ZNF385D: variants seen among roughly 807,000 people sequenced by gnomAD.
The protein encoded by ZNF385D is zinc finger protein 659.
Under a neutral mutation model 35.8 loss-of-function variants are expected in ZNF385D, and 15 were observed. The ratio of observed to expected loss-of-function variants is 0.42; its 90% CI spans 0.28 to 0.64. The LOEUF is 0.64. ZNF385D is among the 30% of genes least tolerant of loss of function. The pLI, the probability that ZNF385D is intolerant of heterozygous loss-of-function variation, is 0.23. For missense variants in ZNF385D, 474 were observed against 494.6 expected, an observed-to-expected ratio of 0.96 and a Z score of 0.39; for synonymous variants, 212 against 186.8, an observed-to-expected ratio of 1.13 and a Z score of -1.10.
At chr3:21,687,827 C>A (rs2067155809) in intron 1 of ZNF385D, among the ~76,000 whole-genome samples, 1 of 152,026 alleles carries the variant, frequency 6.6e-6, no homozygotes, top group Admixed American at 6.6e-5. Flanking sequence ...TGATTTGTTT[C>A]ATTTGAGAAT....
chr3:22,224,247 A>C (rs1576522896), intron 2 of ZNF385D, among the ~76,000 whole-genome samples: 1 of 152,318 alleles, frequency 6.6e-6, no homozygotes, highest in East Asian at 1.9e-4. Flanking sequence ...GAAAAGAGAT[A>C]TAATTAAACT....
chr3:21,802,829 G>A (rs1009445705), intron 3 of ZNF385D, among the ~76,000 whole-genome samples: 3 of 152,166 alleles, frequency 2.0e-5, no homozygotes, highest in South Asian at 2.1e-4. Flanking sequence ...CAAAGTGTTT[G>A]TGAAATGCTT....
intron 2 of ZNF385D, among the ~76,000 whole-genome samples, chr3:22,188,541 C>G (rs1695797484): frequency 6.6e-6 from 1 of 152,070 alleles, no homozygotes; most frequent in Non-Finnish European, 1.5e-5. Flanking sequence ...GCTCCGCTTC[C>G]CAGGTTCAAG....
intron 2 of ZNF385D, among the ~76,000 whole-genome samples, chr3:22,262,686 C>T (rs940221975): frequency 6.6e-6 from 1 of 151,734 alleles, no homozygotes; most frequent in Non-Finnish European, 1.5e-5. Flanking sequence ...GATTTCTGAG[C>T]CCCAGTTTTC....
At chr3:21,973,638 C>A (rs2125347472) in intron 3 of ZNF385D, among the ~76,000 whole-genome samples, 1 of 152,030 alleles carries the variant, frequency 6.6e-6, no homozygotes, top group Admixed American at 6.6e-5. Context: ...GTAAAATTAT[C>A]CTTGTTTGCA....
intron 3 of ZNF385D, among the ~76,000 whole-genome samples, chr3:22,004,410 C>G (rs1696062959): frequency 6.6e-6 from 1 of 151,982 alleles, no homozygotes; most frequent in South Asian, 2.1e-4. Flanking sequence ...GCACAAGCAA[C>G]AAAAACAAAA....
At chr3:22,138,726 C>T (rs1704313240) in intron 3 of ZNF385D, among the ~76,000 whole-genome samples, 1 of 152,046 alleles carries the variant, frequency 6.6e-6, no homozygotes, top group African/African-American at 2.4e-5. Context: ...AGAAGAAAAC[C>T]TAGGCAATAC....
At chr3:22,118,747 G>T (rs902004344) in intron 3 of ZNF385D, among the ~76,000 whole-genome samples, 1 of 152,014 alleles carries the variant, frequency 6.6e-6, no homozygotes, top group Non-Finnish European at 1.5e-5. Context: ...CACCTCTTCT[G>T]TTAACAGTCA....
chr3:21,771,218 A>G (rs1310281766), intron 3 of ZNF385D, among the ~76,000 whole-genome samples: 2 of 151,950 alleles, frequency 1.3e-5, no homozygotes, highest in African/African-American at 4.8e-5. Context: ...GTGGACATGT[A>G]CCCTAGAACT....
Position 22,220,669 on chromosome 3 carries a change from T to C in ZNF385D, c.107-51634A>G, listed in dbSNP as rs142345881. Among the ~76,000 whole-genome samples, 113 of 152,330 alleles carry C rather than the reference T, an allele frequency of 7.4e-4. 1 individual carries two copies. In the East Asian group the frequency reaches 0.016, roughly 22 times the overall value. On this transcript the variant is annotated intron_variant, in intron 2 of 5. Coordinates refer to the ZNF385D transcript ENST00000494108. ...AGTCTTCACATGTGCCAAACACTTC[T>C]GTATGAAATTTCATTTTAACTGTGA...
intron 3 of ZNF385D, among the ~76,000 whole-genome samples, chr3:21,915,867 C>CA (rs1185736977): frequency 2.0e-5 from 3 of 152,094 alleles, no homozygotes; most frequent in African/African-American, 7.2e-5. Context: ...CTTTACCAAA[C>CA]ACGGCAAAAA....
At chr3:22,288,476 G>C (rs540384126) in intron 2 of ZNF385D, among the ~76,000 whole-genome samples, 1 of 151,982 alleles carries the variant, frequency 6.6e-6, no homozygotes, top group Middle Eastern at 3.4e-3. Context: ...CCAGTGACCT[G>C]TCTTTGAGTT....
At chr3:21,424,147 G>T in intron 6 of ZNF385D, 83 bp from the exon 7 acceptor site, 1 of 1,236,228 alleles carries the variant, frequency 8.1e-7, no homozygotes, top group South Asian at 1.5e-5. Flanking sequence ...CCTGGAGAAA[G>T]ATATTCATTA....
chr3:22,278,007 G>C (rs1023333146), intron 2 of ZNF385D, among the ~76,000 whole-genome samples: 1 of 151,988 alleles, frequency 6.6e-6, no homozygotes, highest in Admixed American at 6.6e-5. Flanking sequence ...TACTTTCAGT[G>C]CTCTCCCTTG....
chr3:22,108,443 T>A (rs933970894), intron 3 of ZNF385D, among the ~76,000 whole-genome samples: 1 of 152,198 alleles, frequency 6.6e-6, no homozygotes, highest in East Asian at 1.9e-4. Context: ...AATGCAACTA[T>A]AGCTTCCTGA....
chr3:21,734,502 T>TA (rs1241210800), intron 1 of ZNF385D, among the ~76,000 whole-genome samples: 1 of 151,472 alleles, frequency 6.6e-6, no homozygotes, highest in Non-Finnish European at 1.5e-5. Flanking sequence ...TAACAGTGAA[T>TA]AAAAATGAGC....
At chr3:22,008,364 T>C (rs1696351285) in intron 3 of ZNF385D, among the ~76,000 whole-genome samples, 1 of 147,424 alleles carries the variant, frequency 6.8e-6, no homozygotes, top group African/African-American at 2.5e-5. Flanking sequence ...GATTTTCTTT[T>C]TTTTTTTTGA....
intron 3 of ZNF385D, among the ~76,000 whole-genome samples, chr3:21,796,300 C>T (rs760428206): frequency 6.6e-6 from 1 of 152,150 alleles, no homozygotes; most frequent in Non-Finnish European, 1.5e-5. Flanking sequence ...TTAAGACCAG[C>T]ATTATCCTTA....
chr3:22,348,307 A>G (rs949193121), intron 2 of ZNF385D, among the ~76,000 whole-genome samples: 1 of 152,014 alleles, frequency 6.6e-6, no homozygotes, highest in Admixed American at 6.6e-5. Context: ...CTAAAAATGA[A>G]GTTGTTAGCG....
Sources: gnomAD v4.1 joint callset for allele counts (sites outside exome capture counted in the v4.1 genomes callset) on GRCh38, gnomAD v4.1.1 for gene constraint, MANE v1.5 for transcripts, NCBI Gene and HGNC (gene_info 2026-07-23, HGNC 2026-07-21) for gene names.